Variants in USP53 observed in about 807,000 individuals in gnomAD.
USP53 encodes the protein ubiquitin carboxyl-terminal hydrolase 53.
USP53 carries 71 observed loss-of-function variants against 94.9 expected under a neutral mutation model. The observed-to-expected ratio is 0.75, with a 90% confidence interval of 0.62 to 0.91. USP53 has a LOEUF of 0.91. USP53 is among the 40% of genes least tolerant of loss of function. The pLI is 0.00. For synonymous variants in USP53, 375 were observed against 422.7 expected (o/e 0.89, Z 1.39); for missense variants, 1,173 against 1,281.0 (o/e 0.92, Z 1.29).
chr4:119,250,512 A>G (rs1748834760), intron 7 of USP53, among the ~76,000 whole-genome samples: 1 of 152,246 alleles, frequency 6.6e-6, no homozygotes, highest in Non-Finnish European at 1.5e-5. Context: ...TATACTTTCC[A>G]TATTTCTTCT....
At chr4:119,223,146 A>G (rs889316942) in intron 3 of USP53, among the ~76,000 whole-genome samples, 4 of 152,232 alleles carry the variant, frequency 2.6e-5, no homozygotes, top group Non-Finnish European at 5.9e-5. Context: ...TAAGCTGAGC[A>G]TGAGTTAAGG....
At chr4:119,233,690 A>G (rs1746366334) in intron 3 of USP53, among the ~76,000 whole-genome samples, 1 of 152,060 alleles carries the variant, frequency 6.6e-6, no homozygotes, top group African/African-American at 2.4e-5. Context: ...ATTGGTGAAT[A>G]TTATGTTTGT....
Position 119,294,930 on chromosome 4 carries a change from A to G in USP53, c.*1719A>G, listed in dbSNP as rs1371381872. 1 of 151,956 alleles carries G rather than the reference A, an allele frequency of 6.6e-6. No homozygotes were observed. The highest frequency in any genetic ancestry group is 1.5e-5 in the Non-Finnish European group (1 of 67,994). 9.4% of individuals were successfully genotyped at this position (151,956 alleles called of 1,614,324 possible). A position where few individuals can be genotyped will look rare whatever the true frequency, so the allele number is the denominator to read the frequency against. On this transcript the variant is annotated 3_prime_UTR_variant, in exon 19 of 19. Coordinates refer to ENST00000692078, the MANE Select transcript of USP53 (RefSeq NM_001371395.1). ...AGTGTGGAGGGTTTGTAAATAATGT[A>G]AAGTTTGTAAACCTGTATTTAAAAT... is the stretch of plus-strand genomic sequence containing the variant.
At chr4:119,216,917 C>G (rs71610256) in intron 2 of USP53, among the ~76,000 whole-genome samples, 4,569 of 152,166 alleles carry the variant, frequency 0.03, 84 homozygotes, top group Middle Eastern at 0.045. Flanking sequence ...AATCATTTTA[C>G]GTGGAAGATA....
chr4:119,292,829 A>C lies in USP53; in HGVS notation c.2840A>C (p.Lys947Thr). Reference sequence around the variant, plus strand: ...AAAAGCGAATCTACACCTGATGTCAAACTTACAGAGGTGTTTAAAGCTACC... The same window carrying C: ...AAAAGCGAATCTACACCTGATGTCACACTTACAGAGGTGTTTAAAGCTACC... ...SEKSESTPDV[K>T]LTEVFKATSH... Residue 947 changes from lysine to threonine, a missense_variant, in exon 19 of 19, where the codon AAA becomes ACA. Coordinates refer to ENST00000692078, the MANE Select transcript of USP53 (RefSeq NM_001371395.1). 6.2e-7 allele frequency: 1 copy of C among 1,614,120 alleles called. No individual in the cohort carries two copies. The highest frequency in any genetic ancestry group is 8.5e-7 in the Non-Finnish European group (1 of 1,179,980).
chr4:119,293,250 G>A lies in USP53; in HGVS notation c.*39G>A. ...TAGACCTGTGTTACATAATAATCTT[G>A]GTTCAAGCTGCCCTTCTGAACAAAG... On this transcript the variant is annotated 3_prime_UTR_variant, in exon 19 of 19. Coordinates refer to ENST00000692078, the MANE Select transcript of USP53 (RefSeq NM_001371395.1). The A allele has an allele frequency of 6.5e-7, 1 of 1,526,940 alleles. No individual in the cohort carries two copies. 94.6% of individuals were successfully genotyped at this position (1,526,940 alleles called of 1,614,324 possible). A position where few individuals can be genotyped will look rare whatever the true frequency, so the allele number is the denominator to read the frequency against.
intron 4 of USP53, among the ~76,000 whole-genome samples, chr4:119,237,156 C>T (rs762248850): frequency 6.6e-6 from 1 of 152,140 alleles, no homozygotes; most frequent in Non-Finnish European, 1.5e-5. Flanking sequence ...ATTTTCTGAG[C>T]AGTAGGTCTT....
intron 6 of USP53, among the ~76,000 whole-genome samples, chr4:119,246,596 T>A (rs996259442): frequency 5.3e-5 from 8 of 152,214 alleles, no homozygotes; most frequent in Admixed American, 4.6e-4. Flanking sequence ...TACAGAGCAA[T>A]AAATAACTAT....
intron 3 of USP53, among the ~76,000 whole-genome samples, chr4:119,232,786 G>A (rs1030208360): frequency 1.3e-5 from 2 of 152,044 alleles, no homozygotes; most frequent in African/African-American, 4.8e-5. Flanking sequence ...TTTGTATGAG[G>A]TTTATCATGT....
intron 17 of USP53, among the ~76,000 whole-genome samples, chr4:119,280,524 T>C (rs763224906): frequency 3.3e-5 from 5 of 152,136 alleles, no homozygotes; most frequent in African/African-American, 9.7e-5. Flanking sequence ...AAGAGAATGG[T>C]CCATTGAGGT....
chr4:119,279,932 T>G (rs143861541), intron 17 of USP53, among the ~76,000 whole-genome samples: 343 of 152,330 alleles, frequency 2.3e-3, no homozygotes, highest in African/African-American at 8.0e-3. Flanking sequence ...GCTTCCCAGG[T>G]GAGGCAATGC....
chr4:119,248,679 T>A, intron 6 of USP53, 69 bp from the exon 7 acceptor site: 1 of 1,556,098 alleles, frequency 6.4e-7, no homozygotes, highest in Non-Finnish European at 8.7e-7. Flanking sequence ...TTTCTCTGTG[T>A]TGTAATGAAA....
At chr4:119,244,094 C>T (rs1372115837) in intron 5 of USP53, among the ~76,000 whole-genome samples, 1 of 152,130 alleles carries the variant, frequency 6.6e-6, no homozygotes, top group Non-Finnish European at 1.5e-5. Flanking sequence ...TTTTTATTAA[C>T]CTCAGTGGTA....
intron 15 of USP53, among the ~76,000 whole-genome samples, chr4:119,270,995 T>A (rs1751780113): frequency 6.6e-6 from 1 of 152,202 alleles, no homozygotes; most frequent in Admixed American, 6.5e-5. Context: ...ATATAAGAAG[T>A]GGAAAATATT....
chr4:119,239,912 A>G lies in USP53; in HGVS notation c.144+9A>G, dbSNP rs761791049. 1.4e-6 allele frequency: 2 copies of G among 1,443,686 alleles called. No individual in the cohort carries two copies. The highest frequency in any genetic ancestry group is 4.9e-5 in the East Asian group (2 of 40,874). 89.4% of individuals were successfully genotyped at this position (1,443,686 alleles called of 1,614,324 possible). A position where few individuals can be genotyped will look rare whatever the true frequency, so the allele number is the denominator to read the frequency against. On this transcript the variant is annotated intron_variant, in intron 5 of 18. Coordinates refer to ENST00000692078, the MANE Select transcript of USP53 (RefSeq NM_001371395.1). ...TTAATAGCGCTGTACAGGTGAGACC[A>G]TAATTACTTATTACATTAAAAAAAA...
At chr4:119,268,161 G>A (rs1194296873) in intron 13 of USP53, 107 bp from the exon 14 acceptor site, 30 of 1,113,126 alleles carry the variant, frequency 2.7e-5, no homozygotes, top group East Asian at 2.2e-4. Context: ...GCGACAGAGC[G>A]AGACTCCGTC....
rs1335910813 is a variant in USP53 at position 119,252,671 on chromosome 4, T to C, written c.373-3575T>C. Among the ~76,000 whole-genome samples the C allele has an allele frequency of 1.3e-5, 2 of 152,190 alleles. 1 individual carries two copies. The highest frequency in any genetic ancestry group is 6.3e-3 in the Middle Eastern group (2 of 316). ...GTGGTCTGTCTATTTTCTTGATCTT[T>C]TCAAAAACCAGCTCCTGGAACCAGT... On this transcript the variant is annotated intron_variant, in intron 7 of 18. Coordinates refer to ENST00000692078, the MANE Select transcript of USP53 (RefSeq NM_001371395.1).
At chr4:119,227,993 A>G (rs897293651) in intron 3 of USP53, among the ~76,000 whole-genome samples, 2 of 152,242 alleles carry the variant, frequency 1.3e-5, no homozygotes, top group Non-Finnish European at 2.9e-5. Flanking sequence ...TAGGACAGAA[A>G]GTGTATCAGT....
intron 5 of USP53, among the ~76,000 whole-genome samples, chr4:119,241,735 G>A (rs1747574143): frequency 1.3e-5 from 2 of 151,996 alleles, no homozygotes; most frequent in South Asian, 2.1e-4. Context: ...AGTGTCTTGG[G>A]TCTGTGCGTT....
Sources: allele counts gnomAD v4.1 joint callset (sites outside exome capture counted in the v4.1 genomes callset), GRCh38; gene constraint gnomAD v4.1.1; transcripts MANE v1.5; gene names NCBI Gene and HGNC (gene_info 2026-07-23, HGNC 2026-07-21).